Variants in A2ML1 observed in about 807,000 individuals in gnomAD.
A2ML1 encodes the protein alpha-2-macroglobulin-like protein 1.
A neutral mutation model predicts 181.9 loss-of-function variants in A2ML1; 161 were observed. That is an observed-to-expected ratio of 0.89 (90% CI 0.78 to 1.01). The LOEUF (loss-of-function observed/expected upper bound fraction) is 1.01. Among genes scored for constraint, A2ML1 ranks in the 50% least tolerant of loss-of-function variants. The probability of loss-of-function intolerance (pLI) is 0.00; values close to 1 mark genes in which losing one functional copy is unlikely to be tolerated. For synonymous variants in A2ML1, 663 were observed against 666.8 expected (o/e 0.99, Z 0.09); for missense variants, 1,670 against 1,768.1 (o/e 0.94, Z 1.00).
chr12:8,826,668 G>T (rs754733895), intron 3 of A2ML1, among the ~76,000 whole-genome samples: 1 of 152,240 alleles, frequency 6.6e-6, no homozygotes, highest in Non-Finnish European at 1.5e-5. Flanking sequence ...TGCCGCGCAG[G>T]CTGGAATGCA....
Position 8,836,266 on chromosome 12 carries a change from T to C in A2ML1, c.655T>C (p.Phe219Leu), listed in dbSNP as rs1943271950. 6.2e-7 allele frequency: 1 copy of C among 1,613,898 alleles called. No individual in the cohort carries two copies. The highest frequency in any genetic ancestry group is 8.5e-7 in the Non-Finnish European group (1 of 1,180,002). ...TTTACTCTCTTCAGTGCTGCCGAAG[T>C]TTAAGGTGGAAGTGGTGGAACCCAA... ...FSVEEYVLPK[F>L]KVEVVEPKEL... The change falls in exon 7 of 36, where the codon TTT (phenylalanine) becomes CTT (leucine). Residue 219 changes from phenylalanine (F) to leucine (L), a missense_variant. By Grantham distance (22) the Phe-to-Leu change is conservative. Transcript: ENST00000299698.
intron 16 of A2ML1, 64 bp from the exon 17 acceptor site, chr12:8,849,604 TG>T: frequency 7.8e-7 from 1 of 1,280,080 alleles, no homozygotes; most frequent in Non-Finnish European, 1.1e-6. Flanking sequence ...GTGGAATTCC[TG>T]GGCAGTAGCC....
intron 33 of A2ML1, among the ~76,000 whole-genome samples, chr12:8,869,534 C>T (rs1944548569): frequency 1.3e-5 from 2 of 152,172 alleles, no homozygotes; most frequent in South Asian, 4.1e-4. Context: ...TTCCATTTTA[C>T]CATACAATTA....
chr12:8,849,852 C>A, intron 17 of A2ML1, 93 bp downstream of exon 17: 6 of 1,189,756 alleles, frequency 5.0e-6, no homozygotes, highest in Non-Finnish European at 7.3e-6. Context: ...TGCACTGAGC[C>A]TCTAGCCCGA....
intron 4 of A2ML1, among the ~76,000 whole-genome samples, chr12:8,830,445 G>A (rs755029113): frequency 3.3e-5 from 5 of 152,080 alleles, no homozygotes; most frequent in South Asian, 2.1e-4. Context: ...GAGAATGTCC[G>A]CTTCCACTCT....
rs747143939 is a variant in A2ML1 at position 8,854,691 on chromosome 12, C to T, written c.2713-89C>T. On this transcript the variant is annotated intron_variant, in intron 21 of 35. Coordinates refer to ENST00000299698, the MANE Select transcript of A2ML1 (RefSeq NM_144670.6). ...AGTTCTGAGGGAAGCCCTGGGGGCA[C>T]AGCGAGGGGCCTCCCTTCCCTTTCC... 14 of 1,435,352 alleles carry T rather than the reference C, an allele frequency of 9.8e-6. No individual in the cohort carries two copies. The South Asian group carries it at 1.6e-4, about 17-fold the overall frequency. 88.9% of individuals were successfully genotyped at this position (1,435,352 alleles called of 1,614,324 possible).
intron 17 of A2ML1, 91 bp from the exon 18 acceptor site, chr12:8,850,068 TA>T: frequency 2.0e-6 from 2 of 992,166 alleles, no homozygotes; most frequent in Non-Finnish European, 3.0e-6. Context: ...TGCTTCCCTC[TA>T]AATTTCTTTC....
intron 16 of A2ML1, among the ~76,000 whole-genome samples, chr12:8,849,452 T>C (rs997912956): frequency 6.6e-6 from 1 of 152,224 alleles, no homozygotes; most frequent in Non-Finnish European, 1.5e-5. Flanking sequence ...ATTACATGTA[T>C]GTAATGATGA....
intron 33 of A2ML1, among the ~76,000 whole-genome samples, chr12:8,869,538 A>G (rs779185249): frequency 1.3e-5 from 2 of 152,296 alleles, no homozygotes; most frequent in South Asian, 4.1e-4. Context: ...ATTTTACCAT[A>G]CAATTAATAT....
At chr12:8,828,962 G>A (rs896949857) in intron 3 of A2ML1, among the ~76,000 whole-genome samples, 2 of 152,218 alleles carry the variant, frequency 1.3e-5, no homozygotes, top group African/African-American at 2.4e-5. Flanking sequence ...CACAGTCACT[G>A]TGCTCTCCCG....
rs765237026 is a variant in A2ML1 at position 8,881,989 on chromosome 12, C to T, written c.*94+1373C>T. Among the ~76,000 whole-genome samples the T allele has an allele frequency of 2.7e-4, 41 of 149,338 alleles. 3 individuals are homozygous for T. The highest frequency in any genetic ancestry group is 9.1e-4 in the African/African-American group (37 of 40,506). On this transcript the variant is annotated intron_variant and NMD_transcript_variant, in intron 7 of 7. Coordinates refer to the A2ML1 transcript ENST00000537475. ...TTGCGCCACTGCACTCCAGCCTGGG[C>T]GACAGAGCGAGACTCTGTCTCAAAA...
At chr12:8,845,626 T>A in intron 13 of A2ML1, 124 bp downstream of exon 13, 1 of 876,672 alleles carries the variant, frequency 1.1e-6, no homozygotes, top group South Asian at 1.5e-5. Flanking sequence ...GGTGGGCGGA[T>A]CACGATGTCG....
At chr12:8,829,384 G>T (rs4883184) in intron 3 of A2ML1, among the ~76,000 whole-genome samples, 1 of 152,068 alleles carries the variant, frequency 6.6e-6, no homozygotes, top group South Asian at 2.1e-4. Context: ...AGCAGGAGGC[G>T]GAGCGCGGTG....
In A2ML1 at chr12:8,841,442, G is replaced by T. The variant is rs866399982; in HGVS notation, c.1154G>T (p.Gly385Val). 2 of 1,613,972 alleles carry T rather than the reference G, an allele frequency of 1.2e-6. No homozygotes were observed. Among genetic ancestry groups the T allele is most frequent in the East Asian group, 2.2e-5 (1 of 44,890 alleles). The change falls in exon 11 of 36, where the codon GGA (glycine) becomes GTA (valine). Residue 385 changes from glycine (G) to valine (V), a missense_variant. Physicochemically the swap from Gly to Val is moderately radical, Grantham distance 109. Coordinates refer to ENST00000299698, the MANE Select transcript of A2ML1 (RefSeq NM_144670.6). ...TTTCTGGTGATTTATGGCACAAATGGAACCTTCAACCAGACCCTGGTTACT... is the reference window on the plus strand; with the variant it reads ...TTTCTGGTGATTTATGGCACAAATGTAACCTTCAACCAGACCCTGGTTACT... ...LVFLVIYGTN[G>V]TFNQTLVTDN...
intron 10 of A2ML1, among the ~76,000 whole-genome samples, chr12:8,839,945 C>T (rs1324014949): frequency 6.6e-6 from 1 of 152,158 alleles, no homozygotes; most frequent in Non-Finnish European, 1.5e-5. Context: ...TGGGGTTTCT[C>T]CATGTTGGTC....
chr12:8,863,394 C>G (rs147782003), intron 28 of A2ML1, among the ~76,000 whole-genome samples: 2 of 152,108 alleles, frequency 1.3e-5, no homozygotes, highest in African/African-American at 4.8e-5. Context: ...TGTGAGCCAC[C>G]GCACCCGGCC....
chr12:8,845,661 C>A (rs1212225111), intron 13 of A2ML1, among the ~76,000 whole-genome samples, 159 bp downstream of exon 13: 2 of 151,848 alleles, frequency 1.3e-5, no homozygotes, highest in East Asian at 1.9e-4. Context: ...TCTTGGCTAA[C>A]ATGGTGAAAC....
intron 7 of A2ML1, among the ~76,000 whole-genome samples, chr12:8,884,166 C>A (rs1174780136): frequency 6.6e-6 from 1 of 150,768 alleles, no homozygotes; most frequent in East Asian, 1.9e-4. Context: ...GAAAAAGGAT[C>A]TGTTCAAGGC....
intron 25 of A2ML1, 67 bp downstream of exon 25, chr12:8,857,655 T>G: frequency 1.3e-6 from 2 of 1,506,002 alleles, no homozygotes; most frequent in East Asian, 4.7e-5. Context: ...TCTGGAACTA[T>G]TCCACTACCT....
Sources: gnomAD v4.1 joint callset for allele counts (sites outside exome capture counted in the v4.1 genomes callset) on GRCh38, gnomAD v4.1.1 for gene constraint, MANE v1.5 for transcripts, NCBI Gene and HGNC (gene_info 2026-07-23, HGNC 2026-07-21) for gene names.